The following TMEM165 variants were observed in gnomAD, a reference collection of about 807,000 sequenced individuals.
TMEM165 encodes putative divalent cation/proton antiporter TMEM165.
Under a neutral mutation model 30.0 loss-of-function variants are expected in TMEM165, and 19 were observed. The observed-to-expected ratio is 0.63, with a 90% CI of 0.44 to 0.93. The LOEUF is 0.93. Ranked by LOEUF, TMEM165 falls within the 40% of genes least tolerant of loss-of-function variation. TMEM165 has a pLI of 0.00. For synonymous variants in TMEM165, 168 were observed against 162.9 expected (o/e 1.03, Z -0.24); for missense variants, 340 against 417.0 (o/e 0.82, Z 1.61).
chr4:55,400,281 TTATATATTATATATA>T (rs1720918444), intron 1 of TMEM165, among the ~76,000 whole-genome samples: 1 of 95,182 alleles, frequency 1.1e-5, no homozygotes, highest in African/African-American at 6.3e-5. Flanking sequence ...TAATATAATA[TTATATATTATATATA>T]ATATTATATA....
At chr4:55,432,363 C>T (rs1324042056) in intron 3 of TMEM165, 2 of 151,770 alleles carry the variant, frequency 1.3e-5, no homozygotes, top group Admixed American at 6.6e-5. Context: ...GTCCAAAGCA[C>T]GGTAACTGCA....
intron 1 of TMEM165, among the ~76,000 whole-genome samples, chr4:55,410,121 T>C (rs922408855): frequency 1.3e-5 from 2 of 152,182 alleles, no homozygotes; most frequent in Admixed American, 1.3e-4. Flanking sequence ...TTTCTTCTTA[T>C]TTCTTGTAAC....
At chr4:55,403,892 T>C (rs1355352245) in intron 1 of TMEM165, among the ~76,000 whole-genome samples, 1 of 152,150 alleles carries the variant, frequency 6.6e-6, no homozygotes, top group Non-Finnish European at 1.5e-5. Context: ...GTGCCTTTAT[T>C]CTCTCCCTTC....
chr4:55,437,337 CACATACAGACTAGCCT>C (rs1486514217), intron 3 of TMEM165, among the ~76,000 whole-genome samples: 1 of 152,158 alleles, frequency 6.6e-6, no homozygotes, highest in African/African-American at 2.4e-5. Context: ...GTCTCTAGTA[CACATACAGACTAGCCT>C]ACATTCAAAA....
chr4:55,429,253 A>G (rs1722366363), downstream of TMEM165: 1 of 152,168 alleles, frequency 6.6e-6, no homozygotes, highest in South Asian at 2.1e-4. Context: ...TAACCCTCAG[A>G]GTTAAGAAAT....
intron 1 of TMEM165, chr4:55,403,253 T>A: frequency 7.8e-7 from 1 of 1,288,786 alleles, no homozygotes; most frequent in African/African-American, 1.5e-5. Flanking sequence ...AGTTTTTTTC[T>A]TGGTAGCAAG....
At chr4:55,406,594 A>G (rs1721276629) in intron 1 of TMEM165, among the ~76,000 whole-genome samples, 1 of 152,162 alleles carries the variant, frequency 6.6e-6, no homozygotes, top group African/African-American at 2.4e-5. Context: ...TAGCTCTATA[A>G]TATTCCGTTA....
chr4:55,447,348 G>A (rs1723944737), intron 3 of TMEM165, among the ~76,000 whole-genome samples: 1 of 148,026 alleles, frequency 6.8e-6, no homozygotes, highest in African/African-American at 2.4e-5. Context: ...TGGGTGACAG[G>A]GTGAGGCGTC....
chr4:55,405,069 CCTT>C (rs1399809404), intron 1 of TMEM165, among the ~76,000 whole-genome samples: 2 of 152,128 alleles, frequency 1.3e-5, no homozygotes, highest in African/African-American at 2.4e-5. Context: ...CCTCCCTCCA[CCTT>C]CTTTGAATAA....
At chr4:55,410,738 A>G (rs1721455598) in intron 1 of TMEM165, among the ~76,000 whole-genome samples, 2 of 152,240 alleles carry the variant, frequency 1.3e-5, no homozygotes, top group South Asian at 4.1e-4. Context: ...CGTCGTTCAA[A>G]TGTTTTTTAA....
downstream of TMEM165, chr4:55,429,614 TGAC>T (rs1271775477): frequency 4.6e-5 from 7 of 152,314 alleles, no homozygotes; most frequent in African/African-American, 1.7e-4. Flanking sequence ...GATATGATAA[TGAC>T]AGCCATTAAA....
chr4:55,420,820 C>G (rs1721944232), intron 4 of TMEM165, among the ~76,000 whole-genome samples: 1 of 152,000 alleles, frequency 6.6e-6, no homozygotes. Context: ...TGAATTGGTT[C>G]TAGGCCAAAA....
At position 55,448,601 on chromosome 4, in the gene TMEM165, C is replaced by CGCGT. The variant is rs764071880; in HGVS notation, c.409-3637_409-3636insCGTG. Among the ~76,000 whole-genome samples, 691 of 117,002 alleles carry CGCGT rather than the reference C, an allele frequency of 5.9e-3. 3 individuals carry two copies. The highest frequency in any genetic ancestry group is 0.016 in the East Asian group (53 of 3,376). 76.8% of individuals were successfully genotyped at this position (117,002 alleles called of 152,430 possible). A position where few individuals can be genotyped will look rare whatever the true frequency, so the allele number is the denominator to read the frequency against. ...ATATATGTGCGCGCGCGCACGCGCG[C>CGCGT]GTGTGTGTGTGTGTGTGTGTGTGTG... On this transcript the variant is annotated intron_variant, in intron 3 of 3. Transcript: ENST00000608091.
intron 1 of TMEM165, among the ~76,000 whole-genome samples, chr4:55,397,859 GAGT>G (rs1243315708): frequency 6.6e-6 from 1 of 151,982 alleles, no homozygotes; most frequent in Non-Finnish European, 1.5e-5. Context: ...TCAGCCTCCT[GAGT>G]GGCTGGGACT....
In TMEM165 at chr4:55,399,942, G is replaced by A. The variant is rs116615602; in HGVS notation, c.207+3546G>A. On this transcript the variant is annotated intron_variant, in intron 1 of 5. Transcript: ENST00000381334. Reference sequence around the variant, plus strand: ...CATATATTCTTGGTGATTCATTTTAGTTAGGCATTTATTTATTATTGTTTA... The same window carrying A: ...CATATATTCTTGGTGATTCATTTTAATTAGGCATTTATTTATTATTGTTTA... 5.0e-3 allele frequency among the ~76,000 whole-genome samples: 741 copies of A among 149,064 alleles called. 4 individuals are homozygous for A. The highest frequency in any genetic ancestry group is 0.018 in the African/African-American group (720 of 40,702).
intron 1 of TMEM165, among the ~76,000 whole-genome samples, chr4:55,403,972 G>T (rs1046449937): frequency 5.4e-5 from 7 of 130,266 alleles, no homozygotes; most frequent in African/African-American, 1.3e-4. Context: ...AAAGAAAAAG[G>T]TCATTCATTT....
intron 3 of TMEM165, chr4:55,443,590 AATG>A (rs779274659): frequency 8.5e-6 from 8 of 944,012 alleles, no homozygotes; most frequent in South Asian, 4.1e-5. Context: ...TAAATTTTGA[AATG>A]ATATTTTATC....
At chr4:55,442,673 A>T in intron 3 of TMEM165, 1 of 1,523,684 alleles carries the variant, frequency 6.6e-7, no homozygotes, top group Middle Eastern at 1.7e-4. Flanking sequence ...AGATTAACTG[A>T]AAATAATTAT....
intron 1 of TMEM165, among the ~76,000 whole-genome samples, chr4:55,407,861 TATTC>T (rs1038538687): frequency 2.0e-5 from 3 of 152,238 alleles, no homozygotes; most frequent in Non-Finnish European, 4.4e-5. Flanking sequence ...TAAAGGGCTT[TATTC>T]ATTTAATCCT....
Sources: allele counts gnomAD v4.1 joint callset (sites outside exome capture counted in the v4.1 genomes callset), GRCh38; gene constraint gnomAD v4.1.1; transcripts MANE v1.5; gene names NCBI Gene and HGNC (gene_info 2026-07-23, HGNC 2026-07-21).